The following CEACAM4 variants were observed in gnomAD, a reference collection of about 807,000 sequenced individuals.
The protein encoded by CEACAM4 is cell adhesion molecule CEACAM4.
CEACAM4 carries 30 observed loss-of-function variants against 28.7 expected under a neutral mutation model. That is an observed-to-expected ratio of 1.05 (90% CI 0.78 to 1.42). The LOEUF (loss-of-function observed/expected upper bound fraction) is 1.42. Ranked by LOEUF, CEACAM4 falls within the 40% of genes most tolerant of loss-of-function variation. The pLI is 0.00. For missense variants in CEACAM4, 330 were observed against 308.2 expected (o/e 1.07, Z -0.53); for synonymous variants, 143 against 126.5 (o/e 1.13, Z -0.87).
At position 41,621,719 on chromosome 19, in the gene CEACAM4, A is replaced by T; in HGVS notation, c.474T>A (p.Thr158=). 1 of 1,613,490 alleles carries T rather than the reference A, an allele frequency of 6.2e-7. No individual in the cohort carries two copies. Among genetic ancestry groups the T allele is most frequent in the Non-Finnish European group, 8.5e-7 (1 of 1,179,464 alleles). ...CCAGAGCCACCCCAACCAGGACCCC[A>T]GTCACGATGCCAGCGACGGCCCCCA... is the stretch of plus-strand genomic sequence containing the variant. ...LPVGAVAGIV[T]GVLVGVALVA... The change falls in exon 3 of 7, where the codon ACT becomes ACA. Residue 158 remains threonine, a synonymous_variant. Coordinates refer to ENST00000221954, the MANE Select transcript of CEACAM4 (RefSeq NM_001817.4).
At chr19:41,623,104 C>T (rs1310925998) in intron 2 of CEACAM4, among the ~76,000 whole-genome samples, 1 of 152,196 alleles carries the variant, frequency 6.6e-6, no homozygotes, top group African/African-American at 2.4e-5. Flanking sequence ...GCAACCTCCG[C>T]TTCACAGGTT....
chr19:41,620,740 G>C, intron 3 of CEACAM4, 113 bp from the exon 4 acceptor site: 1 of 862,302 alleles, frequency 1.2e-6, no homozygotes, highest in South Asian at 1.4e-5. Context: ...AAGGCCTCCT[G>C]TCTCCATCAG....
intron 2 of CEACAM4, among the ~76,000 whole-genome samples, chr19:41,624,462 G>C (rs2071510923): frequency 6.6e-6 from 1 of 152,192 alleles, no homozygotes; most frequent in Non-Finnish European, 1.5e-5. Context: ...AACTTCCCCA[G>C]CACTGACTGA....
the CEACAM4 span, among the ~76,000 whole-genome samples, chr19:41,613,713 AG>A: frequency 6.6e-6 from 1 of 152,160 alleles, no homozygotes; most frequent in Non-Finnish European, 1.5e-5. Context: ...TGCAGCAGGC[AG>A]GGTGTGGGGT....
chr19:41,617,407 GAGA>G (rs1309091180), downstream of CEACAM4, among the ~76,000 whole-genome samples: 2 of 152,204 alleles, frequency 1.3e-5, no homozygotes, highest in African/African-American at 4.8e-5. Flanking sequence ...GAACGATGAT[GAGA>G]AGATGGCCTT....
intron 4 of CEACAM4, 23 bp from the exon 5 acceptor site, chr19:41,620,265 G>T: frequency 6.9e-7 from 1 of 1,459,048 alleles, no homozygotes; most frequent in East Asian, 2.6e-5. Flanking sequence ...ACAGGAGTGA[G>T]CAGCAGGGTG....
intron 5 of CEACAM4, among the ~76,000 whole-genome samples, chr19:41,619,920 C>A (rs142802831): frequency 1.3e-5 from 2 of 152,152 alleles, no homozygotes; most frequent in African/African-American, 4.8e-5. Flanking sequence ...GGGCCCACCC[C>A]GCACCCTTGT....
At chr19:41,614,986 G>A (rs1361721291), downstream of CEACAM4, among the ~76,000 whole-genome samples, 2 of 151,446 alleles carry the variant, frequency 1.3e-5, no homozygotes, top group Non-Finnish European at 2.9e-5. Context: ...AGGGGAAGGG[G>A]AAGGGAAAGT....
At chr19:41,620,317 C>T (rs555283280) in intron 4 of CEACAM4, 75 bp from the exon 5 acceptor site, 1 of 1,285,556 alleles carries the variant, frequency 7.8e-7, no homozygotes, top group East Asian at 2.9e-5. Context: ...GTGTAGGGGT[C>T]CTCAGCTCCC....
chr19:41,614,619 T>A (rs2070965704), downstream of CEACAM4, among the ~76,000 whole-genome samples: 1 of 152,194 alleles, frequency 6.6e-6, no homozygotes, highest in South Asian at 2.1e-4. Flanking sequence ...AGTGCTGTTG[T>A]TAATAGCCCT....
At chr19:41,624,036 T>C (rs1319984538) in intron 2 of CEACAM4, among the ~76,000 whole-genome samples, 1 of 152,120 alleles carries the variant, frequency 6.6e-6, no homozygotes, top group Non-Finnish European at 1.5e-5. Flanking sequence ...ACATGGGTCT[T>C]AGGCTCTAGA....
At chr19:41,616,391 T>C (rs1568638844), downstream of CEACAM4, among the ~76,000 whole-genome samples, 1 of 152,170 alleles carries the variant, frequency 6.6e-6, no homozygotes, top group South Asian at 2.1e-4. Context: ...TTGTTCTTTA[T>C]GTCTTCACAT....
intron 4 of CEACAM4, 126 bp from the exon 5 acceptor site, chr19:41,620,368 G>T: frequency 1.0e-6 from 1 of 974,154 alleles, no homozygotes; most frequent in Non-Finnish European, 1.5e-6. Flanking sequence ...GGGGAGACCT[G>T]AGCAGCTGAG....
intron 1 of CEACAM4, 66 bp from the exon 2 acceptor site, chr19:41,626,026 T>C: frequency 1.3e-6 from 2 of 1,493,952 alleles, no homozygotes; most frequent in Middle Eastern, 2.1e-4. Context: ...GATAAGGCCC[T>C]GGGTCCTCAG....
chr19:41,622,999 A>G (rs1171711492), intron 2 of CEACAM4, among the ~76,000 whole-genome samples: 5 of 152,118 alleles, frequency 3.3e-5, no homozygotes, highest in Admixed American at 6.5e-5. Flanking sequence ...AGCCTTTAGC[A>G]TATTAGCCAG....
intron 2 of CEACAM4, among the ~76,000 whole-genome samples, chr19:41,623,298 T>C (rs1555802413): frequency 6.6e-6 from 1 of 152,200 alleles, no homozygotes; most frequent in Non-Finnish European, 1.5e-5. Flanking sequence ...ATTACAGGCA[T>C]GAGCCACCGC....
At chr19:41,623,553 G>A (rs1457410334) in intron 2 of CEACAM4, among the ~76,000 whole-genome samples, 1 of 151,610 alleles carries the variant, frequency 6.6e-6, no homozygotes, top group East Asian at 1.9e-4. Flanking sequence ...GGGGGAGGGA[G>A]GGGTTCTGTG....
At chr19:41,625,237 G>A (rs543791378) in intron 2 of CEACAM4, among the ~76,000 whole-genome samples, 1 of 152,298 alleles carries the variant, frequency 6.6e-6, no homozygotes, top group East Asian at 1.9e-4. Flanking sequence ...CACGGAGTCA[G>A]GAGTCCTGAG....
intron 2 of CEACAM4, among the ~76,000 whole-genome samples, chr19:41,622,283 G>A (rs1269059890): frequency 1.3e-5 from 2 of 152,092 alleles, no homozygotes; most frequent in Non-Finnish European, 2.9e-5. Context: ...TCGCCATGTT[G>A]TCCAGGCTGG....
Sources: allele counts gnomAD v4.1 joint callset (sites outside exome capture counted in the v4.1 genomes callset), GRCh38; gene constraint gnomAD v4.1.1; transcripts MANE v1.5; gene names NCBI Gene and HGNC (gene_info 2026-07-23, HGNC 2026-07-21).